The following GBE1 variants were observed in gnomAD, a reference collection of about 807,000 sequenced individuals.
GBE1 encodes 1,4-alpha-glucan-branching enzyme.
A neutral mutation model predicts 88.8 loss-of-function variants in GBE1; 70 were observed. The ratio of observed to expected loss-of-function variants is 0.79; its 90% confidence interval spans 0.65 to 0.96. The LOEUF is 0.96. Ranked by LOEUF, GBE1 falls within the 40% of genes least tolerant of loss-of-function variation. The pLI is 0.00. For synonymous variants in GBE1, 284 were observed against 300.1 expected (o/e 0.95, Z 0.56); for missense variants, 872 against 871.0 (o/e 1.00, Z -0.01).
chr3:81,543,860 A>G (rs6800295), intron 12 of GBE1, among the ~76,000 whole-genome samples: 52,698 of 151,956 alleles, frequency 0.35, 9,697 homozygotes, highest in African/African-American at 0.48. Flanking sequence ...TTTGAATTTA[A>G]GCAATATGTA....
chr3:81,665,100 C>G (rs1007431765), intron 3 of GBE1, among the ~76,000 whole-genome samples: 5 of 152,086 alleles, frequency 3.3e-5, no homozygotes, highest in African/African-American at 1.2e-4. Context: ...CACATATATT[C>G]ACATATATTA....
rs145880763 is a variant in GBE1 at position 81,538,167 on chromosome 3, C to T, written c.1619-1072G>A. On this transcript the variant is annotated intron_variant, in intron 12 of 15. Transcript: ENST00000429644. ...AATTTCTAATTAATTTTATAAATTT[C>T]TCCAATGAGTTAGAAAGTATCATAG... is the stretch of plus-strand genomic sequence containing the variant. Among the ~76,000 whole-genome samples the T allele has an allele frequency of 6.5e-3, 990 of 152,000 alleles. 4 individuals are homozygous for T. The highest frequency in any genetic ancestry group is 0.015 in the African/African-American group (615 of 41,506).
chr3:81,656,864 T>A (rs2107088333), intron 3 of GBE1, among the ~76,000 whole-genome samples: 1 of 152,048 alleles, frequency 6.6e-6, no homozygotes, highest in East Asian at 1.9e-4. Context: ...ACTTTAAAAA[T>A]GTGAATTTGT....
In GBE1 at chr3:81,734,306, T is replaced by C. The variant is rs1285844477; in HGVS notation, c.143+27069A>G. On this transcript the variant is annotated intron_variant, in intron 1 of 15. Transcript: ENST00000429644. ...AGTCAAAACGCTACAGAGAAATTTG[T>C]ATTTTAGAGGTCTGATACTGTGTAA... Among the ~76,000 whole-genome samples the C allele has an allele frequency of 3.3e-5, 5 of 152,316 alleles. No homozygotes were observed. In the East Asian group the frequency reaches 9.6e-4, roughly 29 times the overall value.
At chr3:81,667,986 A>T (rs368074180) in intron 3 of GBE1, among the ~76,000 whole-genome samples, 11 of 152,226 alleles carry the variant, frequency 7.2e-5, no homozygotes, top group African/African-American at 2.4e-4. Context: ...CCCATCAATG[A>T]TAAACTGGAT....
At chr3:81,637,433 G>A (rs902285250) in intron 7 of GBE1, among the ~76,000 whole-genome samples, 1 of 152,098 alleles carries the variant, frequency 6.6e-6, no homozygotes, top group African/African-American at 2.4e-5. Context: ...TGAAAGGAGT[G>A]ATTTTTTTAA....
At chr3:81,551,141 A>G (rs539458903) in intron 12 of GBE1, among the ~76,000 whole-genome samples, 1 of 152,312 alleles carries the variant, frequency 6.6e-6, no homozygotes, top group African/African-American at 2.4e-5. Flanking sequence ...CCCCATGTTA[A>G]AGTGGTCATA....
chr3:81,556,337 A>T (rs1703348521), intron 12 of GBE1, among the ~76,000 whole-genome samples: 1 of 152,098 alleles, frequency 6.6e-6, no homozygotes, highest in South Asian at 2.1e-4. Flanking sequence ...AAAAAATCCA[A>T]GAGAATTTAA....
intron 15 of GBE1, 139 bp from the exon 16 acceptor site, chr3:81,490,602 A>C: frequency 1.4e-6 from 1 of 724,488 alleles, no homozygotes. Flanking sequence ...AGCTCTTAGA[A>C]GGCTCAATTT....
intron 2 of GBE1, among the ~76,000 whole-genome samples, chr3:81,703,430 A>T (rs928389907): frequency 1.3e-5 from 2 of 152,008 alleles, no homozygotes; most frequent in African/African-American, 4.8e-5. Flanking sequence ...AATTATTTTC[A>T]GTCCTTAGAC....
chr3:81,633,216 A>G (rs1428378638), intron 7 of GBE1, among the ~76,000 whole-genome samples: 1 of 152,212 alleles, frequency 6.6e-6, no homozygotes, highest in African/African-American at 2.4e-5. Context: ...TAATCATGAC[A>G]ATGATATTGT....
chr3:81,704,937 G>A (rs189294801), intron 2 of GBE1, among the ~76,000 whole-genome samples: 41 of 152,100 alleles, frequency 2.7e-4, no homozygotes, highest in Middle Eastern at 3.4e-3. Context: ...TTCCCACTGT[G>A]TTCTAAAACA....
intron 12 of GBE1, among the ~76,000 whole-genome samples, chr3:81,567,432 G>A (rs1703508607): frequency 6.6e-6 from 1 of 152,112 alleles, no homozygotes; most frequent in African/African-American, 2.4e-5. Flanking sequence ...TTCATATGTT[G>A]AGAAATACCA....
chr3:81,560,642 G>T (rs1335501714), intron 12 of GBE1, among the ~76,000 whole-genome samples: 1 of 151,858 alleles, frequency 6.6e-6, no homozygotes, highest in Non-Finnish European at 1.5e-5. Flanking sequence ...TTTCAAAATG[G>T]TATCTCTGAA....
At chr3:81,642,154 G>A (rs953717641) in intron 7 of GBE1, among the ~76,000 whole-genome samples, 13 of 151,794 alleles carry the variant, frequency 8.6e-5, no homozygotes, top group African/African-American at 3.1e-4. Context: ...TCAGAGATCT[G>A]TCTGATCTTA....
intron 7 of GBE1, among the ~76,000 whole-genome samples, chr3:81,622,347 T>C (rs1704344550): frequency 6.6e-6 from 1 of 152,236 alleles, no homozygotes; most frequent in Non-Finnish European, 1.5e-5. Flanking sequence ...CATGCTTATT[T>C]AAATAGGTCC....
Position 81,612,305 on chromosome 3 carries a change from C to T in GBE1, c.993-18282G>A, listed in dbSNP as rs564016985. On this transcript the variant is annotated intron_variant, in intron 7 of 15. Transcript: ENST00000429644. ...CCTGCTGGCTTTATTCTGCGTTTGA[C>T]TTTAATGTTTCGTCAAATCCATTCC... The T allele has an allele frequency of 1.5e-5, 12 of 807,280 alleles. No individual in the cohort carries two copies. The African/African-American group carries it at 2.2e-4, about 15-fold the overall frequency. 50.0% of individuals were successfully genotyped at this position (807,280 alleles called of 1,614,324 possible). A position where few individuals can be genotyped will look rare whatever the true frequency, so the allele number is the denominator to read the frequency against.
chr3:81,673,548 T>C (rs917642583), intron 2 of GBE1, among the ~76,000 whole-genome samples: 8 of 151,974 alleles, frequency 5.3e-5, no homozygotes, highest in African/African-American at 1.9e-4. Flanking sequence ...GATTTATTTG[T>C]AAGAGCTGTT....
At chr3:81,718,099 C>A (rs1245932629) in intron 1 of GBE1, among the ~76,000 whole-genome samples, 1 of 152,026 alleles carries the variant, frequency 6.6e-6, no homozygotes, top group Non-Finnish European at 1.5e-5. Flanking sequence ...CCTGACTCAA[C>A]CTCCTGAGTA....
Sources: gnomAD v4.1 joint callset for allele counts (sites outside exome capture counted in the v4.1 genomes callset) on GRCh38, gnomAD v4.1.1 for gene constraint, MANE v1.5 for transcripts, NCBI Gene and HGNC (gene_info 2026-07-23, HGNC 2026-07-21) for gene names.